The following MOCOS variants were observed in gnomAD, a reference collection of about 807,000 sequenced individuals.
MOCOS encodes human molybdenum cofactor sulfurase.
MOCOS carries 86 observed loss-of-function variants against 83.6 expected under a neutral mutation model. The ratio of observed to expected loss-of-function variants is 1.03; its 90% CI spans 0.86 to 1.23. The LOEUF (loss-of-function observed/expected upper bound fraction) is 1.23, where lower values mean the gene tolerates loss of function less well. Among genes scored for constraint, MOCOS ranks in the 50% most tolerant of loss-of-function variants. The pLI, the probability that MOCOS is intolerant of heterozygous loss-of-function variation, is 0.00. For missense variants in MOCOS, 1,120 were observed against 1,126.9 expected (o/e 0.99, Z 0.09); for synonymous variants, 445 against 434.7 (o/e 1.02, Z -0.29).
Position 36,243,691 on chromosome 18 carries a change from T to C in MOCOS, c.1961-5231T>C, listed in dbSNP as rs1733667784. 1.3e-5 allele frequency among the ~76,000 whole-genome samples: 2 copies of C among 152,202 alleles called. 1 individual carries two copies. Among genetic ancestry groups the C allele is most frequent in the South Asian group, 4.1e-4 (2 of 4,828 alleles). On this transcript the variant is annotated intron_variant, in intron 9 of 14. Transcript: ENST00000261326. ...TTTGAAATAGTTTCAGTAGGATTGG[T>C]ACCAGTTCTTCTTTGAATGTCTGAC...
At chr18:36,218,920 G>T (rs2091485193) in intron 8 of MOCOS, among the ~76,000 whole-genome samples, 1 of 150,308 alleles carries the variant, frequency 6.7e-6, no homozygotes. Context: ...CCAGACTGGA[G>T]TGCAATGGCA....
chr18:36,191,749 T>G (rs1160604077), intron 1 of MOCOS, among the ~76,000 whole-genome samples: 10 of 11,408 alleles, frequency 8.8e-4, no homozygotes, highest in Non-Finnish European at 1.6e-3. Flanking sequence ...AAAATACGTG[T>G]GCACACACAC....
chr18:36,226,328 T>C (rs1046932271), intron 9 of MOCOS, among the ~76,000 whole-genome samples: 3 of 152,172 alleles, frequency 2.0e-5, no homozygotes, highest in Admixed American at 2.0e-4. Flanking sequence ...ATGGACATAA[T>C]TATAGCCACT....
intron 11 of MOCOS, among the ~76,000 whole-genome samples, chr18:36,251,952 C>T (rs1167855571): frequency 6.6e-6 from 1 of 152,168 alleles, no homozygotes; most frequent in African/African-American, 2.4e-5. Context: ...CCTTCCCTGT[C>T]TCATTTTTCT....
At chr18:36,236,641 T>G (rs2091560230) in intron 9 of MOCOS, among the ~76,000 whole-genome samples, 1 of 136,030 alleles carries the variant, frequency 7.4e-6, no homozygotes, top group Admixed American at 7.6e-5. Flanking sequence ...ATATGAACTT[T>G]AAAGTAGTTT....
chr18:36,230,294 A>G (rs1365007071), intron 9 of MOCOS, among the ~76,000 whole-genome samples: 1 of 152,084 alleles, frequency 6.6e-6, no homozygotes, highest in African/African-American at 2.4e-5. Context: ...CATGTTGGCC[A>G]GGCTGGTCTC....
chr18:36,235,958 G>T (rs538431638), intron 9 of MOCOS, among the ~76,000 whole-genome samples: 408 of 149,310 alleles, frequency 2.7e-3, no homozygotes, highest in African/African-American at 9.5e-3. Flanking sequence ...CATGTCCTTC[G>T]CCCACTTTTT....
At chr18:36,249,058 G>A in intron 10 of MOCOS, 58 bp downstream of exon 10, 1 of 1,453,714 alleles carries the variant, frequency 6.9e-7, no homozygotes, top group South Asian at 1.1e-5. Context: ...CACAGAGGGG[G>A]AAGAGGGTAA....
At chr18:36,197,601 C>T (rs1204932391) in intron 2 of MOCOS, among the ~76,000 whole-genome samples, 1 of 151,886 alleles carries the variant, frequency 6.6e-6, no homozygotes, top group Non-Finnish European at 1.5e-5. Flanking sequence ...CCTATCTTTA[C>T]AAAAAACAAA....
At chr18:36,223,974 G>A (rs1490871054) in intron 9 of MOCOS, among the ~76,000 whole-genome samples, 1 of 152,140 alleles carries the variant, frequency 6.6e-6, no homozygotes, top group Non-Finnish European at 1.5e-5. Flanking sequence ...TGGGACAACA[G>A]GCATGTGCCA....
chr18:36,256,957 A>G lies in MOCOS; in HGVS notation c.2165-11A>G, dbSNP rs765565009. On this transcript the variant is annotated splice_polypyrimidine_tract_variant and intron_variant, in intron 11 of 14. Coordinates refer to ENST00000261326, the MANE Select transcript of MOCOS (RefSeq NM_017947.4). ...AAGCAACTCTTCTTTTAAATGCTCC[A>G]TCATTTTCAGATCAACTTCCTGGTA... 1.4e-5 allele frequency: 23 copies of G among 1,606,830 alleles called. No individual in the cohort carries two copies. In the African/African-American group the frequency reaches 2.1e-4, roughly 15 times the overall value.
At chr18:36,239,363 G>C (rs1186984184) in intron 9 of MOCOS, among the ~76,000 whole-genome samples, 2 of 148,440 alleles carry the variant, frequency 1.3e-5, no homozygotes, top group Non-Finnish European at 3.0e-5. Flanking sequence ...TTGCTTGTCT[G>C]TAAAGTATTT....
Position 36,220,254 on chromosome 18 carries a change from A to C in MOCOS, c.1960+37A>C, listed in dbSNP as rs1208731732. The C allele has an allele frequency of 2.5e-6, 4 of 1,612,524 alleles. No homozygotes were observed. The Admixed American group carries it at 6.7e-5, about 27-fold the overall frequency. Reference sequence around the variant, plus strand: ...GCTTCATTTTCACAGAGCAGCTCCCAACAGCAGCTTTTATATTCATATGAA... The same window carrying C: ...GCTTCATTTTCACAGAGCAGCTCCCCACAGCAGCTTTTATATTCATATGAA... On this transcript the variant is annotated intron_variant, in intron 9 of 14. Coordinates refer to ENST00000261326, the MANE Select transcript of MOCOS (RefSeq NM_017947.4).
At chr18:36,201,663 C>CAAAAAAAAAAAAA (rs200846253) in intron 4 of MOCOS, among the ~76,000 whole-genome samples, 62 of 69,396 alleles carry the variant, frequency 8.9e-4, no homozygotes, top group East Asian at 1.9e-3. Flanking sequence ...ACTCCATCTC[C>CAAAAAAAAAAAAA]AAAAAAAAAA....
Position 36,199,858 on chromosome 18 carries a change from C to A in MOCOS, c.475C>A (p.Arg159=), listed in dbSNP as rs646424. Residue 159 remains arginine (R), a synonymous_variant, in exon 4 of 15, where the codon CGG becomes AGG. Coordinates refer to ENST00000261326, the MANE Select transcript of MOCOS (RefSeq NM_017947.4). ...TDSHTSVVGM[R]NVTMAINVIS... is the part of the protein sequence containing the mutation. ...CAGCCACACCTCCGTAGTGGGTATG[C>A]GGAACGTGACCATGGCTATAAATGT... The A allele has an allele frequency of 1, 1,612,586 of 1,614,182 alleles. 805,508 individuals carry two copies. Among genetic ancestry groups the A allele is most frequent in the East Asian group, 1 (44,864 of 44,864 alleles).
chr18:36,238,630 T>C (rs1440457655), intron 9 of MOCOS, among the ~76,000 whole-genome samples: 1 of 143,414 alleles, frequency 7.0e-6, no homozygotes, highest in Non-Finnish European at 1.5e-5. Flanking sequence ...GGTGGAGAGT[T>C]CTGTAGATGT....
intron 13 of MOCOS, among the ~76,000 whole-genome samples, chr18:36,261,158 G>C (rs1055143585): frequency 6.6e-6 from 1 of 152,072 alleles, no homozygotes; most frequent in Non-Finnish European, 1.5e-5. Flanking sequence ...AATGTGCTCT[G>C]TTCTTTAGTG....
At chr18:36,250,195 T>G (rs573360566) in intron 10 of MOCOS, among the ~76,000 whole-genome samples, 1 of 152,118 alleles carries the variant, frequency 6.6e-6, no homozygotes, top group South Asian at 2.1e-4. Context: ...TAAAGATTTA[T>G]GTATAATAAA....
chr18:36,222,435 C>T (rs1189773610), intron 9 of MOCOS, among the ~76,000 whole-genome samples: 1 of 152,090 alleles, frequency 6.6e-6, no homozygotes, highest in African/African-American at 2.4e-5. Flanking sequence ...AATAGCCATC[C>T]TGACAGGGGT....
Sources: allele counts gnomAD v4.1 joint callset (sites outside exome capture counted in the v4.1 genomes callset), GRCh38; gene constraint gnomAD v4.1.1; transcripts MANE v1.5; gene names NCBI Gene and HGNC (gene_info 2026-07-23, HGNC 2026-07-21).